Variants in FBXL17 observed in about 807,000 individuals in gnomAD.
FBXL17 encodes the protein F-box and leucine rich repeat protein 17.
A neutral mutation model predicts 66.2 loss-of-function variants in FBXL17; 22 were observed. The observed-to-expected ratio is 0.33, with a 90% CI of 0.24 to 0.47. The LOEUF (loss-of-function observed/expected upper bound fraction) is 0.47, where lower values mean the gene tolerates loss of function less well. FBXL17 is among the 20% of genes least tolerant of loss of function. The pLI is 1.00. For synonymous variants in FBXL17, 474 were observed against 400.5 expected (o/e 1.18, Z -2.19); for missense variants, 878 against 948.2 (o/e 0.93, Z 0.97).
At chr5:108,295,094 T>C (rs1311825883) in intron 4 of FBXL17, among the ~76,000 whole-genome samples, 2 of 151,962 alleles carry the variant, frequency 1.3e-5, no homozygotes, top group African/African-American at 2.4e-5. Flanking sequence ...AAAATATTTA[T>C]ATAAGAGTAC....
chr5:107,911,977 A>G (rs1459234150), intron 7 of FBXL17, among the ~76,000 whole-genome samples: 1 of 152,176 alleles, frequency 6.6e-6, no homozygotes, highest in African/African-American at 2.4e-5. Context: ...AAGGACCTTT[A>G]TCATTGGACA....
chr5:108,201,885 C>G (rs1406397307), intron 5 of FBXL17, among the ~76,000 whole-genome samples: 2 of 149,416 alleles, frequency 1.3e-5, no homozygotes, highest in Non-Finnish European at 3.0e-5. Context: ...AAAGCAACAG[C>G]TCATAATCTC....
At chr5:108,146,518 G>A (rs551577880) in intron 6 of FBXL17, among the ~76,000 whole-genome samples, 1 of 152,282 alleles carries the variant, frequency 6.6e-6, no homozygotes, top group Non-Finnish European at 1.5e-5. Flanking sequence ...CAACCTCAGA[G>A]AAGTGATCCT....
At chr5:108,177,900 G>A (rs1380007971) in intron 6 of FBXL17, among the ~76,000 whole-genome samples, 9 of 129,038 alleles carry the variant, frequency 7.0e-5, no homozygotes, top group Non-Finnish European at 9.8e-5. Context: ...CCTTGCTCCA[G>A]AAAAAAAAAT....
chr5:108,156,279 G>C (rs1201890653), intron 6 of FBXL17, among the ~76,000 whole-genome samples: 1 of 151,704 alleles, frequency 6.6e-6, no homozygotes, highest in Non-Finnish European at 1.5e-5. Context: ...AATATATTAG[G>C]TGTTCAGTAT....
rs564905282 is a variant in FBXL17, at chr5:108,111,389, T to C, written c.1745+74728A>G. On this transcript the variant is annotated intron_variant, in intron 6 of 8. Transcript: ENST00000542267. ...TTACATTTAAAGTTTTTTGGAATTG[T>C]CAATAAATAATATTCATGATAGTTC... Among the ~76,000 whole-genome samples, 853 of 152,184 alleles carry C rather than the reference T, an allele frequency of 5.6e-3. 10 individuals are homozygous for C. The highest frequency in any genetic ancestry group is 0.019 in the African/African-American group (792 of 41,552).
chr5:108,065,852 AAAC>A (rs917717921), intron 6 of FBXL17, among the ~76,000 whole-genome samples: 15 of 152,156 alleles, frequency 9.9e-5, no homozygotes, highest in African/African-American at 3.4e-4. Context: ...GAGTAAAATA[AAAC>A]AACCAGGACT....
chr5:108,359,820 A>G (rs910752352), intron 3 of FBXL17, among the ~76,000 whole-genome samples: 1 of 152,070 alleles, frequency 6.6e-6, no homozygotes, highest in African/African-American at 2.4e-5. Flanking sequence ...GGTTCATGGT[A>G]CTGTTCATCC....
chr5:108,195,105 A>G (rs1228587540), intron 5 of FBXL17, among the ~76,000 whole-genome samples: 2 of 152,184 alleles, frequency 1.3e-5, no homozygotes, highest in East Asian at 3.9e-4. Context: ...CAGAGAACAA[A>G]AAAGCAAAAA....
chr5:107,969,104 C>T (rs56201157), intron 7 of FBXL17, among the ~76,000 whole-genome samples: 104,886 of 152,046 alleles, frequency 0.69, 36,281 homozygotes, highest in Middle Eastern at 0.74. Flanking sequence ...TGGCTGCCTT[C>T]CCAGTGCAAT....
chr5:108,291,966 G>A (rs1422915463), intron 4 of FBXL17, among the ~76,000 whole-genome samples: 1 of 151,902 alleles, frequency 6.6e-6, no homozygotes, highest in Non-Finnish European at 1.5e-5. Context: ...CTGTACTATT[G>A]CAGTAATTCC....
rs1261620238 is a variant in FBXL17, at chr5:108,163,656, C to G, written c.1745+22461G>C. 2.0e-5 allele frequency among the ~76,000 whole-genome samples: 3 copies of G among 152,114 alleles called. No homozygotes were observed. In the South Asian group the frequency reaches 6.2e-4, roughly 31 times the overall value. On this transcript the variant is annotated intron_variant, in intron 6 of 8. Transcript: ENST00000542267. ...GACCTCATGATCCGCCCATCTAGGC[C>G]TCCCAAAGTGCTGGGATTACAGGCA...
chr5:107,953,402 C>CAAA (rs1166788701), intron 7 of FBXL17, among the ~76,000 whole-genome samples: 825 of 50,414 alleles, frequency 0.016, 18 homozygotes, highest in African/African-American at 0.051. Flanking sequence ...GACTCTCTCT[C>CAAA]AAAAAAAAAA....
intron 7 of FBXL17, among the ~76,000 whole-genome samples, chr5:107,897,775 C>A (rs1041025761): frequency 4.0e-5 from 6 of 151,406 alleles, no homozygotes; most frequent in Admixed American, 6.6e-5. Context: ...ATTGAAGATG[C>A]CATTCTTATT....
intron 7 of FBXL17, among the ~76,000 whole-genome samples, chr5:107,881,909 A>G (rs1475089090): frequency 1.3e-5 from 2 of 152,188 alleles, no homozygotes; most frequent in Non-Finnish European, 2.9e-5. Flanking sequence ...TACCACCACT[A>G]AAGTGCAGAC....
chr5:108,063,318 T>C (rs1250150045), intron 6 of FBXL17, among the ~76,000 whole-genome samples: 1 of 152,214 alleles, frequency 6.6e-6, no homozygotes, highest in Non-Finnish European at 1.5e-5. Flanking sequence ...GACACCATAG[T>C]GTCTTGGTAT....
rs1228213689 is a variant in FBXL17 at position 108,197,075 on chromosome 5, T to C, written c.1615-10828A>G. ...CTTTCACTCTGGCAGTCACACAGTC[T>C]CTAATTGAGTTTTTTTCCTAGGACT... On this transcript the variant is annotated intron_variant, in intron 5 of 8. Coordinates refer to ENST00000542267, the MANE Select transcript of FBXL17 (RefSeq NM_001163315.3). Among the ~76,000 whole-genome samples, 18 of 151,984 alleles carry C rather than the reference T, an allele frequency of 1.2e-4. No individual in the cohort carries two copies. The South Asian group carries it at 3.7e-3, about 32-fold the overall frequency.
At chr5:107,955,713 T>C (rs1013840162) in intron 7 of FBXL17, among the ~76,000 whole-genome samples, 3 of 152,212 alleles carry the variant, frequency 2.0e-5, no homozygotes, top group African/African-American at 4.8e-5. Context: ...TTGCTACACC[T>C]ATTTTTCCTC....
chr5:108,095,066 G>A (rs968708952), intron 6 of FBXL17, among the ~76,000 whole-genome samples: 3 of 151,980 alleles, frequency 2.0e-5, no homozygotes, highest in African/African-American at 7.2e-5. Context: ...GTATATAAGT[G>A]AGTCCTCTTA....
Sources: gnomAD v4.1 joint callset for allele counts (sites outside exome capture counted in the v4.1 genomes callset) on GRCh38, gnomAD v4.1.1 for gene constraint, MANE v1.5 for transcripts, NCBI Gene and HGNC (gene_info 2026-07-23, HGNC 2026-07-21) for gene names.